Variants in BTBD9 observed in about 807,000 individuals in gnomAD.
The protein encoded by BTBD9 is BTB/POZ domain-containing protein 9.
In BTBD9, 49 loss-of-function variants were observed where a neutral mutation model predicts 64.3. The observed-to-expected ratio is 0.76, with a 90% CI of 0.61 to 0.97. BTBD9 has a LOEUF of 0.97. Among genes scored for constraint, BTBD9 ranks in the 50% least tolerant of loss-of-function variants. The pLI is 0.00. For missense variants in BTBD9, 598 were observed against 762.1 expected (o/e 0.78, Z 2.53); for synonymous variants, 260 against 274.7 (o/e 0.95, Z 0.53).
At chr6:38,264,850 G>A (rs1764916445) in intron 8 of BTBD9, among the ~76,000 whole-genome samples, 1 of 152,124 alleles carries the variant, frequency 6.6e-6, no homozygotes, top group Non-Finnish European at 1.5e-5. Context: ...CCAGACATGA[G>A]AACCCCTGAG....
intron 10 of BTBD9, among the ~76,000 whole-genome samples, chr6:38,186,451 C>A (rs1761822712): frequency 6.6e-6 from 1 of 152,176 alleles, no homozygotes; most frequent in East Asian, 1.9e-4. Context: ...GAAAATCCTC[C>A]ATATGACTAT....
chr6:38,315,053 T>G (rs1038259200), intron 7 of BTBD9, among the ~76,000 whole-genome samples: 1 of 152,116 alleles, frequency 6.6e-6, no homozygotes, highest in African/African-American at 2.4e-5. Flanking sequence ...TTTCACCATG[T>G]TAGCCACGAT....
chr6:38,457,799 A>G (rs984390711), intron 6 of BTBD9, among the ~76,000 whole-genome samples: 4 of 152,202 alleles, frequency 2.6e-5, no homozygotes, highest in African/African-American at 9.7e-5. Context: ...CTCCAACATC[A>G]TACTGAAATT....
At chr6:38,467,973 CAT>C (rs749437724) in intron 6 of BTBD9, among the ~76,000 whole-genome samples, 16 of 152,238 alleles carry the variant, frequency 1.1e-4, no homozygotes, top group East Asian at 1.9e-4. Context: ...ATAAACTGCA[CAT>C]GTTTAAAGTG....
intron 1 of BTBD9, among the ~76,000 whole-genome samples, chr6:38,627,415 T>C (rs1294777626): frequency 6.6e-6 from 1 of 152,202 alleles, no homozygotes; most frequent in Non-Finnish European, 1.5e-5. Context: ...ACAATATATA[T>C]GGGCTTAAGA....
intron 7 of BTBD9, among the ~76,000 whole-genome samples, chr6:38,329,918 G>A (rs1219751326): frequency 2.6e-5 from 4 of 151,978 alleles, no homozygotes; most frequent in African/African-American, 7.3e-5. Context: ...GCACTATCGC[G>A]CTCCAGCCTG....
intron 6 of BTBD9, among the ~76,000 whole-genome samples, chr6:38,359,056 C>T (rs1003827973): frequency 6.6e-6 from 1 of 152,054 alleles, no homozygotes; most frequent in Admixed American, 6.5e-5. Context: ...CAGGCGTGAG[C>T]CACCGCGCCC....
chr6:38,577,474 G>T, intron 6 of BTBD9, 126 bp downstream of exon 6: 2 of 895,280 alleles, frequency 2.2e-6, no homozygotes, highest in Non-Finnish European at 3.3e-6. Context: ...TTTTTACTTG[G>T]GATATGTTTA....
At chr6:38,249,627 A>T (rs1764323214) in intron 9 of BTBD9, among the ~76,000 whole-genome samples, 2 of 152,102 alleles carry the variant, frequency 1.3e-5, no homozygotes, top group South Asian at 4.2e-4. Flanking sequence ...ACAGAATGGG[A>T]AACACAGCAA....
intron 4 of BTBD9, among the ~76,000 whole-genome samples, chr6:38,583,661 T>C (rs1206387481): frequency 6.6e-6 from 1 of 152,232 alleles, no homozygotes; most frequent in East Asian, 1.9e-4. Flanking sequence ...CAAGTGATTG[T>C]GACTAAAGTC....
intron 6 of BTBD9, chr6:38,402,853 A>G: frequency 1.4e-6 from 1 of 701,082 alleles, no homozygotes; most frequent in South Asian, 1.5e-5. Flanking sequence ...GGATTGCTTG[A>G]GCTCAGGAGT....
In BTBD9 at chr6:38,610,842, G is replaced by A. The variant is rs568007899; in HGVS notation, c.-27-12721C>T. ...AAAATTTTAAAAATACATTTCCTAT[G>A]GCCGAGCAATTTAGTTTCTAGAAAT... On this transcript the variant is annotated intron_variant, in intron 1 of 10. Transcript: ENST00000481247. Among the ~76,000 whole-genome samples the A allele has an allele frequency of 3.7e-4, 56 of 151,814 alleles. 1 individual carries two copies. The highest frequency in any genetic ancestry group is 7.1e-4 in the Non-Finnish European group (48 of 67,956).
chr6:38,596,800 C>CAA (rs751074318), intron 2 of BTBD9, among the ~76,000 whole-genome samples: 10 of 61,714 alleles, frequency 1.6e-4, no homozygotes, highest in Non-Finnish European at 2.3e-4. Context: ...GACTCCGTCT[C>CAA]AAAAAAAAAA....
At chr6:38,242,360 G>A (rs987505520) in intron 9 of BTBD9, among the ~76,000 whole-genome samples, 1 of 152,042 alleles carries the variant, frequency 6.6e-6, no homozygotes, top group Non-Finnish European at 1.5e-5. Context: ...GTTTACTGTG[G>A]TCTTATAGGC....
chr6:38,499,308 G>A (rs1199532089), intron 6 of BTBD9, among the ~76,000 whole-genome samples: 2 of 152,082 alleles, frequency 1.3e-5, no homozygotes, highest in Admixed American at 6.6e-5. Context: ...GTGATCACAT[G>A]CATTTCTCTT....
intron 7 of BTBD9, among the ~76,000 whole-genome samples, chr6:38,340,358 A>T (rs1764050171): frequency 6.6e-6 from 1 of 152,190 alleles, no homozygotes; most frequent in African/African-American, 2.4e-5. Context: ...GAAATGTACA[A>T]AATAAACCTA....
chr6:38,436,273 C>T (rs1040106345), intron 6 of BTBD9, among the ~76,000 whole-genome samples: 2 of 151,698 alleles, frequency 1.3e-5, no homozygotes, highest in Non-Finnish European at 2.9e-5. Flanking sequence ...ATCTCCCACG[C>T]TACTTTCTAT....
chr6:38,440,774 T>C (rs1366795902), intron 6 of BTBD9, among the ~76,000 whole-genome samples: 1 of 152,202 alleles, frequency 6.6e-6, no homozygotes, highest in East Asian at 1.9e-4. Flanking sequence ...CTGTACCACA[T>C]ATACTAATTA....
At chr6:38,369,661 G>A (rs1383257664) in intron 6 of BTBD9, among the ~76,000 whole-genome samples, 2 of 152,234 alleles carry the variant, frequency 1.3e-5, no homozygotes. Context: ...GGTAAGGAGG[G>A]GAAGAGAGAA....
Sources: gnomAD v4.1 joint callset for allele counts (sites outside exome capture counted in the v4.1 genomes callset) on GRCh38, gnomAD v4.1.1 for gene constraint, MANE v1.5 for transcripts, NCBI Gene and HGNC (gene_info 2026-07-23, HGNC 2026-07-21) for gene names.